The following SHTN1 variants were observed in gnomAD, a reference collection of about 807,000 sequenced individuals.
The protein encoded by SHTN1 is shootin 1.
Under a neutral mutation model 83.1 loss-of-function variants are expected in SHTN1, and 42 were observed. The observed-to-expected ratio is 0.51, with a 90% CI of 0.39 to 0.65. The LOEUF (loss-of-function observed/expected upper bound fraction) is 0.65. Among genes scored for constraint, SHTN1 ranks in the 30% least tolerant of loss-of-function variants. The probability of loss-of-function intolerance (pLI) is 0.00; values close to 1 mark genes in which losing one functional copy is unlikely to be tolerated. For missense variants in SHTN1, 622 were observed against 737.8 expected, an observed-to-expected ratio of 0.84 and a Z score of 1.82; for synonymous variants, 224 against 247.7, an observed-to-expected ratio of 0.90 and a Z score of 0.90.
At chr10:117,008,257 G>A (rs1301772939), upstream of SHTN1, among the ~76,000 whole-genome samples, 1 of 152,022 alleles carries the variant, frequency 6.6e-6, no homozygotes, top group Non-Finnish European at 1.5e-5. Flanking sequence ...GGGTTGGAGT[G>A]TGAAAGTGCA....
intron 2 of SHTN1, among the ~76,000 whole-genome samples, chr10:117,018,851 G>A (rs556012193): frequency 9.9e-5 from 15 of 152,044 alleles, no homozygotes; most frequent in South Asian, 4.2e-4. Context: ...GATTACAGGC[G>A]TGAGCCACTG....
At position 116,944,952 on chromosome 10, in the gene SHTN1, C is replaced by T. The variant is rs1235678545; in HGVS notation, c.683G>A (p.Arg228Gln). ...QVNLELEKDL[R>Q]KKAESFAQEM... is the part of the protein sequence containing the mutation. ...TTGTGCAAATGACTCTGCTTTCTTTCGAAGGTCCTTCTCCAGCTCCAGGTT... is the reference window on the plus strand; with the variant it reads ...TTGTGCAAATGACTCTGCTTTCTTTTGAAGGTCCTTCTCCAGCTCCAGGTT... Residue 228 changes from arginine (R) to glutamine (Q), a missense_variant, in exon 8 of 17, where the codon CGA becomes CAA. By Grantham distance (43) the Arg-to-Gln change is conservative (BLOSUM62 1). This residue lies in a region of SHTN1 where 383 missense variants were observed against 455.8 expected (regional missense o/e 0.84). Coordinates refer to ENST00000355371, the MANE Select transcript of SHTN1 (RefSeq NM_001127211.3). 2 of 1,611,038 alleles carry T rather than the reference C, an allele frequency of 1.2e-6. No individual in the cohort carries two copies. The highest frequency in any genetic ancestry group is 1.7e-6 in the Non-Finnish European group (2 of 1,177,414).
At chr10:117,119,396 C>T (rs1416751048) in intron 1 of SHTN1, among the ~76,000 whole-genome samples, 2 of 152,120 alleles carry the variant, frequency 1.3e-5, no homozygotes, top group South Asian at 2.1e-4. Context: ...TTTCAATAGA[C>T]ATTTCTCAAA....
chr10:117,090,501 CTT>C (rs1157906974), intron 1 of SHTN1, among the ~76,000 whole-genome samples: 3 of 152,136 alleles, frequency 2.0e-5, no homozygotes, highest in Non-Finnish European at 4.4e-5. Context: ...TGTGAATACA[CTT>C]AACACTACTA....
chr10:116,987,940 C>T (rs560852577), intron 1 of SHTN1, among the ~76,000 whole-genome samples: 25 of 151,524 alleles, frequency 1.6e-4, no homozygotes, highest in African/African-American at 4.8e-4. Flanking sequence ...AAAAAAAAAC[C>T]GTGGGTGCCA....
chr10:117,120,504 T>G (rs895482264), intron 1 of SHTN1, among the ~76,000 whole-genome samples: 1 of 152,138 alleles, frequency 6.6e-6, no homozygotes, highest in Non-Finnish European at 1.5e-5. Flanking sequence ...TCCCTTGGCC[T>G]CCCAAAGTGC....
At chr10:116,946,235 A>G (rs946086601) in intron 7 of SHTN1, among the ~76,000 whole-genome samples, 3 of 148,762 alleles carry the variant, frequency 2.0e-5, no homozygotes, top group Non-Finnish European at 4.5e-5. Flanking sequence ...TTTAATATGT[A>G]TATATGTAGA....
intron 10 of SHTN1, among the ~76,000 whole-genome samples, chr10:116,928,228 A>T (rs115659702): frequency 6.6e-6 from 1 of 152,232 alleles, no homozygotes; most frequent in Non-Finnish European, 1.5e-5. Flanking sequence ...TCAAACACTA[A>T]GAAATTGTTA....
intron 1 of SHTN1, among the ~76,000 whole-genome samples, chr10:117,102,034 A>T (rs1244592884): frequency 2.0e-5 from 3 of 151,776 alleles, no homozygotes; most frequent in Admixed American, 6.6e-5. Flanking sequence ...GAAGAAGAAG[A>T]AGTAAAGCCA....
intron 12 of SHTN1, among the ~76,000 whole-genome samples, chr10:116,920,087 A>G (rs1043358470): frequency 2.0e-5 from 3 of 152,176 alleles, no homozygotes; most frequent in African/African-American, 7.2e-5. Context: ...GGGACATTAA[A>G]TCCTTAAAGT....
At chr10:116,973,431 A>G (rs1850688191) in intron 2 of SHTN1, among the ~76,000 whole-genome samples, 1 of 152,186 alleles carries the variant, frequency 6.6e-6, no homozygotes, top group Admixed American at 6.5e-5. Context: ...ATTACAGTTG[A>G]CTGAATCAGA....
At chr10:116,925,680 C>T (rs1848721371) in intron 11 of SHTN1, among the ~76,000 whole-genome samples, 1 of 152,200 alleles carries the variant, frequency 6.6e-6, no homozygotes, top group Admixed American at 6.5e-5. Context: ...TCAACCCTCT[C>T]CCCATGAACT....
At chr10:117,087,957 G>A (rs527567624) in intron 1 of SHTN1, among the ~76,000 whole-genome samples, 134 of 152,260 alleles carry the variant, frequency 8.8e-4, no homozygotes, top group Middle Eastern at 3.4e-3. Context: ...GTAAATATTA[G>A]CCAGGTATGG....
intron 16 of SHTN1, among the ~76,000 whole-genome samples, chr10:116,887,419 T>C (rs1589773115): frequency 1.3e-5 from 2 of 152,162 alleles, no homozygotes; most frequent in African/African-American, 4.8e-5. Context: ...CTTTCGGACT[T>C]TTCTGGTCTT....
intron 1 of SHTN1, among the ~76,000 whole-genome samples, chr10:117,123,907 CAAA>C (rs368750401): frequency 2.5e-5 from 2 of 81,368 alleles, no homozygotes; most frequent in Non-Finnish European, 2.5e-5. Context: ...CCCTGTCTCA[CAAA>C]AAAAAAAAAA....
rs1188576771 is a variant in SHTN1 at position 116,927,991 on chromosome 10, CTT to C, written c.1013-102_1013-101del. 3.6e-5 allele frequency: 51 copies of C among 1,411,196 alleles called. 1 individual carries two copies. The highest frequency in any genetic ancestry group is 4.7e-5 in the Non-Finnish European group (48 of 1,031,224). 87.4% of individuals were successfully genotyped at this position (1,411,196 alleles called of 1,614,324 possible). A position where few individuals can be genotyped will look rare whatever the true frequency, so the allele number is the denominator to read the frequency against. On this transcript the variant is annotated intron_variant, in intron 10 of 16. Coordinates refer to ENST00000355371, the MANE Select transcript of SHTN1 (RefSeq NM_001127211.3). ...ACATAACCTTTCTCAAAAGTAAGTT[CTT>C]TTTATTAAGGCAAAATTAGAAATTT...
intron 1 of SHTN1, among the ~76,000 whole-genome samples, chr10:116,985,369 AC>A (rs754199845): frequency 5.8e-4 from 89 of 152,250 alleles, no homozygotes; most frequent in Middle Eastern, 3.4e-3. Context: ...CAATCTACTG[AC>A]TCCCAGAGTC....
intron 2 of SHTN1, among the ~76,000 whole-genome samples, chr10:117,029,894 CTTTT>C (rs34426369): frequency 2.6e-5 from 3 of 113,402 alleles, no homozygotes; most frequent in Non-Finnish European, 3.7e-5. Context: ...CTCTCTCTTT[CTTTT>C]TTTTTTTTTT....
intron 2 of SHTN1, among the ~76,000 whole-genome samples, chr10:117,042,563 C>T (rs1386624663): frequency 6.6e-6 from 1 of 152,068 alleles, no homozygotes; most frequent in East Asian, 1.9e-4. Flanking sequence ...AAACATACTC[C>T]AATACAGCTC....
Sources: gnomAD v4.1 joint callset for allele counts (sites outside exome capture counted in the v4.1 genomes callset) on GRCh38, gnomAD v4.1.1 for gene constraint, gnomAD v4.1.1 regional missense constraint, MANE v1.5 for transcripts, NCBI Gene and HGNC (gene_info 2026-07-23, HGNC 2026-07-21) for gene names.